SLC16A8: variants seen among roughly 807,000 people sequenced by gnomAD.
The protein encoded by SLC16A8 is monocarboxylate transporter 3.
Under a neutral mutation model 22.4 loss-of-function variants are expected in SLC16A8, and 20 were observed. That is an observed-to-expected ratio of 0.89 (90% CI 0.63 to 1.30). SLC16A8 has a LOEUF of 1.30. Among genes scored for constraint, SLC16A8 ranks in the 50% most tolerant of loss-of-function variants. SLC16A8 has a pLI of 0.00. For synonymous variants in SLC16A8, 393 were observed against 358.8 expected, an observed-to-expected ratio of 1.10 and a Z score of -1.08; for missense variants, 817 against 740.3, an observed-to-expected ratio of 1.10 and a Z score of -1.20.
At position 38,078,352 on chromosome 22, in the gene SLC16A8, C is replaced by G; in HGVS notation, c.*36G>C. The G allele has an allele frequency of 6.4e-7, 1 of 1,554,770 alleles. No individual in the cohort carries two copies. The highest frequency in any genetic ancestry group is 1.2e-5 in the South Asian group (1 of 85,422). ...TCTCTGAGACAAGAAGCTGTGTTCC[C>G]AAGTCACTGGGCCACCCCACCCAGA... On this transcript the variant is annotated 3_prime_UTR_variant, in exon 6 of 6. Transcript: ENST00000681075.
chr22:38,078,730 A>T, intron 5 of SLC16A8, 26 bp from the exon 6 acceptor site: 4 of 1,591,882 alleles, frequency 2.5e-6, no homozygotes, highest in Non-Finnish European at 2.6e-6. Context: ...AAGAGGAGGG[A>T]GAGGTAAGGT....
rs1040087314 is a variant in SLC16A8 at position 38,078,365 on chromosome 22, C to T, written c.*23G>A. 8 of 1,568,842 alleles carry T rather than the reference C, an allele frequency of 5.1e-6. No individual in the cohort carries two copies. Among genetic ancestry groups the T allele is most frequent in the African/African-American group, 1.3e-5 (1 of 74,108 alleles). On this transcript the variant is annotated 3_prime_UTR_variant, in exon 6 of 6. Coordinates refer to ENST00000681075, the MANE Select transcript of SLC16A8 (RefSeq NM_013356.3). ...AAGCTGTGTTCCCAAGTCACTGGGC[C>T]ACCCCACCCAGAGCACCCTGAGTTA...
rs2085966331 is a variant in SLC16A8 at position 38,084,178 on chromosome 22, A to C, written c.-519T>G. The C allele has an allele frequency of 6.6e-6, 1 of 152,184 alleles. No individual in the cohort carries two copies. The highest frequency in any genetic ancestry group is 2.4e-5 in the African/African-American group (1 of 41,390). The allele number at this position is 152,184 out of a possible 1,614,324, so 9.4% of individuals were successfully genotyped here. A position where few individuals can be genotyped will look rare whatever the true frequency, so the allele number is the denominator to read the frequency against. On this transcript the variant is annotated 5_prime_UTR_variant, in exon 1 of 6. Coordinates refer to ENST00000681075, the MANE Select transcript of SLC16A8 (RefSeq NM_013356.3). ...TCCCTGCCCCAGGCCTGGAGCTTAG[A>C]GTGTGTGCCCCCACCACACCTCACC...
At position 38,082,643 on chromosome 22, in the gene SLC16A8, C is replaced by G; in HGVS notation, c.214+17G>C. 2.6e-6 allele frequency: 4 copies of G among 1,536,068 alleles called. No individual in the cohort carries two copies. Among genetic ancestry groups the G allele is most frequent in the Non-Finnish European group, 3.5e-6 (4 of 1,139,028 alleles). On this transcript the variant is annotated intron_variant, in intron 3 of 5. Coordinates refer to ENST00000681075, the MANE Select transcript of SLC16A8 (RefSeq NM_013356.3). ...CAGGGGTCCCGGGGAGGCGGAGGGC[C>G]GGGCGGGGACACTGACCCGTGCCGT...
At position 38,082,741 on chromosome 22, in the gene SLC16A8, C is replaced by T. The variant is rs775414647; in HGVS notation, c.133G>A (p.Ala45Thr). ...FPKAVSVFFRALMRDFDAGYS... is the reference protein window; with the variant it reads ...FPKAVSVFFRTLMRDFDAGYS... Reference sequence around the variant, plus strand: ...CCGGCGTCGAAGTCGCGCATGAGCGCGCGGAAGAAGACGCTCACGGCTTTG... The same window carrying T: ...CCGGCGTCGAAGTCGCGCATGAGCGTGCGGAAGAAGACGCTCACGGCTTTG... The change falls in exon 3 of 6, where the codon GCG (alanine) becomes ACG (threonine). Residue 45 changes from alanine to threonine, a missense_variant. Ala to Thr is a moderately conservative substitution (Grantham distance 58, BLOSUM62 0). Coordinates refer to ENST00000681075, the MANE Select transcript of SLC16A8 (RefSeq NM_013356.3). 6.3e-7 allele frequency: 1 copy of T among 1,592,726 alleles called. No individual in the cohort carries two copies. Among genetic ancestry groups the T allele is most frequent in the African/African-American group, 1.3e-5 (1 of 74,916 alleles).
intron 5 of SLC16A8, 143 bp downstream of exon 5, chr22:38,080,697 G>A: frequency 8.5e-7 from 1 of 1,182,422 alleles, no homozygotes; most frequent in East Asian, 2.7e-5. Context: ...TTGGAGGAGG[G>A]ACTAACTGGC....
At chr22:38,079,252 A>G (rs1479229572) in intron 5 of SLC16A8, among the ~76,000 whole-genome samples, 3 of 152,162 alleles carry the variant, frequency 2.0e-5, no homozygotes, top group African/African-American at 4.8e-5. Flanking sequence ...TCCCTTGTAG[A>G]TACTACTTTC....
chr22:38,079,917 G>A (rs983295872), intron 5 of SLC16A8, among the ~76,000 whole-genome samples: 5 of 152,130 alleles, frequency 3.3e-5, no homozygotes, highest in African/African-American at 4.8e-5. Context: ...GGACTTTGCC[G>A]TTCTCACTGG....
Position 38,080,909 on chromosome 22 carries a change from A to G in SLC16A8, c.1129T>C (p.Phe377Leu). The G allele has an allele frequency of 6.4e-7, 1 of 1,568,912 alleles. No individual in the cohort carries two copies. The highest frequency in any genetic ancestry group is 2.3e-5 in the East Asian group (1 of 43,530). Residue 377 changes from phenylalanine (F) to leucine (L), a missense_variant, in exon 5 of 6, where the codon TTC (phenylalanine) becomes CTC (leucine). By Grantham distance (22) the Phe-to-Leu change is conservative. Transcript: ENST00000681075. ...VLMAAVGAPR[F>L]PSALGLVLLV... ...AACACCAGGCCCAGCGCACTGGGGA[A>G]GCGGGGCGCGCCCACAGCCGCCATG...
chr22:38,081,435 GC>G lies in SLC16A8; in HGVS notation c.602del (p.Gly201AlafsTer62). On this transcript the variant is annotated frameshift_variant, in exon 5 of 6. Coordinates refer to ENST00000681075, the MANE Select transcript of SLC16A8 (RefSeq NM_013356.3). LOFTEE classifies it high-confidence loss of function. ...GAVMRPPPGP[G>X]PRPRRDSAGD... The stretch of plus-strand genomic sequence containing the variant: ...CGGCGCTGTCCCTGCGCGGTCGCGG[GC>G]CCGGCCCGGGCGGCGGCCTCATGAC... The G allele has an allele frequency of 7.8e-7, 1 of 1,286,328 alleles. No homozygotes were observed. Among genetic ancestry groups the G allele is most frequent in the Non-Finnish European group, 9.8e-7 (1 of 1,023,878 alleles). The allele number at this position is 1,286,328 out of a possible 1,614,324, so 79.7% of individuals were successfully genotyped here.
At position 38,084,000 on chromosome 22, in the gene SLC16A8, C is replaced by T. The variant is rs67460670; in HGVS notation, c.-341G>A. 30,064 of 152,202 alleles carry T rather than the reference C, an allele frequency of 0.2. 3,142 individuals are homozygous for T. Among genetic ancestry groups the T allele is most frequent in the Admixed American group, 0.24 (3,668 of 15,276 alleles). 9.4% of individuals were successfully genotyped at this position (152,202 alleles called of 1,614,324 possible). On this transcript the variant is annotated 5_prime_UTR_variant, in exon 1 of 6. Coordinates refer to ENST00000681075, the MANE Select transcript of SLC16A8 (RefSeq NM_013356.3). ...ACATCACACTCACCTGAGCCTGCCT[C>T]GTGGGTTTGGGGGTCCAGCCTCACA...
chr22:38,081,978 G>A lies in SLC16A8; in HGVS notation c.269C>T (p.Ala90Val). Residue 90 changes from alanine (A) to valine (V), a missense_variant, in exon 4 of 6, where the codon GCG becomes GTG. Ala to Val is a moderately conservative substitution (Grantham distance 64, BLOSUM62 0). Coordinates refer to ENST00000681075, the MANE Select transcript of SLC16A8 (RefSeq NM_013356.3). ...GCCCGCGGAAGCCAGCAGCCCACCC[G>A]CCAGCATCACCGGGCGACAGCCAAA... is the stretch of plus-strand genomic sequence containing the variant. Reference protein sequence around the residue: ...TRFGCRPVMLAGGLLASAGMI... With the variant: ...TRFGCRPVMLVGGLLASAGMI... 2.5e-6 allele frequency: 4 copies of A among 1,569,090 alleles called. No individual in the cohort carries two copies. The highest frequency in any genetic ancestry group is 3.5e-6 in the Non-Finnish European group (4 of 1,157,476).
chr22:38,080,920 C>T lies in SLC16A8; in HGVS notation c.1118G>A (p.Gly373Asp). 5.1e-6 allele frequency: 8 copies of T among 1,572,922 alleles called. No individual in the cohort carries two copies. Among genetic ancestry groups the T allele is most frequent in the Non-Finnish European group, 6.9e-6 (8 of 1,165,868 alleles). Residue 373 changes from glycine to aspartate, a missense_variant, in exon 5 of 6, where the codon GGC becomes GAC. Coordinates refer to ENST00000681075, the MANE Select transcript of SLC16A8 (RefSeq NM_013356.3). The stretch of plus-strand genomic sequence containing the variant: ...CAGCGCACTGGGGAAGCGGGGCGCG[C>T]CCACAGCCGCCATGAGCACCTCGAA... ...LQFEVLMAAV[G>D]APRFPSALGL...
In SLC16A8 at chr22:38,082,740, G is replaced by A; in HGVS notation, c.134C>T (p.Ala45Val). The change falls in exon 3 of 6, where the codon GCG becomes GTG. Residue 45 changes from alanine to valine, a missense_variant. Coordinates refer to ENST00000681075, the MANE Select transcript of SLC16A8 (RefSeq NM_013356.3). ...GCCGGCGTCGAAGTCGCGCATGAGC[G>A]CGCGGAAGAAGACGCTCACGGCTTT... ...FPKAVSVFFRALMRDFDAGYS... is the reference protein window; with the variant it reads ...FPKAVSVFFRVLMRDFDAGYS... The A allele has an allele frequency of 1.3e-6, 2 of 1,592,692 alleles. No homozygotes were observed. The highest frequency in any genetic ancestry group is 1.7e-6 in the Non-Finnish European group (2 of 1,171,902).
rs746747777 is a variant in SLC16A8 at position 38,081,001 on chromosome 22, A to C, written c.1037T>G (p.Leu346Arg). 1.9e-6 allele frequency: 3 copies of C among 1,598,316 alleles called. No individual in the cohort carries two copies. The highest frequency in any genetic ancestry group is 1.7e-5 in the Admixed American group (1 of 59,092). The change falls in exon 5 of 6, where the codon CTC becomes CGC. Residue 346 changes from leucine to arginine, a missense_variant. Coordinates refer to ENST00000681075, the MANE Select transcript of SLC16A8 (RefSeq NM_013356.3). Reference sequence around the variant, plus strand: ...GCCGAAGGCGACGCAGAAGGCGACGAGGGCGCCGTAGGAGCGCGCGCGTGC... The same window carrying C: ...GCCGAAGGCGACGCAGAAGGCGACGCGGGCGCCGTAGGAGCGCGCGCGTGC... ...SSARARSYGA[L>R]VAFCVAFGLS...
Position 38,081,592 on chromosome 22 carries a change from G to A in SLC16A8, c.446C>T (p.Ala149Val). The part of the protein sequence containing the change: ...ERRRPLANGL[A>V]AAGSPVFLSA... ...CAGGAACACGGGGCTGCCCGCCGCC[G>A]CCAGCCCGTTGGCCAGAGGCCGCCG... The change falls in exon 5 of 6, where the codon GCG becomes GTG. Residue 149 changes from alanine (A) to valine (V), a missense_variant. Coordinates refer to ENST00000681075, the MANE Select transcript of SLC16A8 (RefSeq NM_013356.3). The A allele has an allele frequency of 6.6e-7, 1 of 1,515,576 alleles. No individual in the cohort carries two copies. Among genetic ancestry groups the A allele is most frequent in the East Asian group, 2.6e-5 (1 of 37,768 alleles). 93.9% of individuals were successfully genotyped at this position (1,515,576 alleles called of 1,614,324 possible). A position where few individuals can be genotyped will look rare whatever the true frequency, so the allele number is the denominator to read the frequency against.
At position 38,078,191 on chromosome 22, in the gene SLC16A8, T is replaced by C; in HGVS notation, c.*197A>G. ...TCCTGTTGCTCCATAGCAGCTTCACTGGCGATGGGGCAGGGCCTGGCGGAA... is the reference window on the plus strand; with the variant it reads ...TCCTGTTGCTCCATAGCAGCTTCACCGGCGATGGGGCAGGGCCTGGCGGAA... On this transcript the variant is annotated 3_prime_UTR_variant, in exon 6 of 6. Coordinates refer to ENST00000681075, the MANE Select transcript of SLC16A8 (RefSeq NM_013356.3). 1 of 572,950 alleles carries C rather than the reference T, an allele frequency of 1.7e-6. No individual in the cohort carries two copies. The highest frequency in any genetic ancestry group is 3.1e-6 in the Non-Finnish European group (1 of 322,750). The allele number at this position is 572,950 out of a possible 1,614,324, so 35.5% of individuals were successfully genotyped here.
Position 38,082,018 on chromosome 22 carries a change from T to A in SLC16A8, c.229A>T (p.Ile77Phe). Residue 77 changes from isoleucine to phenylalanine, a missense_variant, in exon 4 of 6, where the codon ATC (isoleucine) becomes TTC (phenylalanine). Transcript: ENST00000681075. ...MLYGTGPVSS[I>F]LVTRFGCRPV... Reference sequence around the variant, plus strand: ...CGACAGCCAAAGCGGGTCACGAGGATGCTGGACACGGGGCCTGTGGGCAGG... The same window carrying A: ...CGACAGCCAAAGCGGGTCACGAGGAAGCTGGACACGGGGCCTGTGGGCAGG... The A allele has an allele frequency of 6.3e-7, 1 of 1,579,036 alleles. No individual in the cohort carries two copies. The highest frequency in any genetic ancestry group is 2.3e-5 in the East Asian group (1 of 42,904).
Position 38,080,921 on chromosome 22 carries a change from C to T in SLC16A8, c.1117G>A (p.Gly373Ser). The T allele has an allele frequency of 1.3e-6, 2 of 1,573,704 alleles. No homozygotes were observed. Among genetic ancestry groups the T allele is most frequent in the Non-Finnish European group, 1.7e-6 (2 of 1,166,218 alleles). The change falls in exon 5 of 6, where the codon GGC (glycine) becomes AGC (serine). Residue 373 changes from glycine (G) to serine (S), a missense_variant. Gly to Ser is a moderately conservative substitution (Grantham distance 56). Transcript: ENST00000681075. ...LQFEVLMAAV[G>S]APRFPSALGL... ...AGCGCACTGGGGAAGCGGGGCGCGC[C>T]CACAGCCGCCATGAGCACCTCGAAC... is the stretch of plus-strand genomic sequence containing the variant.
Sources: allele counts gnomAD v4.1 joint callset (sites outside exome capture counted in the v4.1 genomes callset), GRCh38; gene constraint gnomAD v4.1.1; transcripts MANE v1.5; gene names NCBI Gene and HGNC (gene_info 2026-07-23, HGNC 2026-07-21).